Variants in SMCO1 observed in about 807,000 individuals in gnomAD.
The protein encoded by SMCO1 is single-pass membrane protein with coiled-coil domains 1.
Under a neutral mutation model 7.5 loss-of-function variants are expected in SMCO1, and 9 were observed. The observed-to-expected ratio is 1.20, with a 90% CI of 0.72 to 2.09. The LOEUF (loss-of-function observed/expected upper bound fraction) is 2.09, where lower values mean the gene tolerates loss of function less well. SMCO1 is among the 30% of genes most tolerant of loss of function. SMCO1 has a pLI of 0.00. For synonymous variants in SMCO1, 90 were observed against 93.8 expected (o/e 0.96, Z 0.23); for missense variants, 219 against 253.1 (o/e 0.87, Z 0.91).
chr3:196,508,692 T>C lies in SMCO1; in HGVS notation c.201-361A>G, dbSNP rs907101322. On this transcript the variant is annotated intron_variant, in intron 2 of 2. Coordinates refer to ENST00000397537, the MANE Select transcript of SMCO1 (RefSeq NM_001077657.3). ...GTGCTCACGCCTGTAATCCCAGCACTGTGGGAGGACGAGGTGGTTGGATCA... is the reference window on the plus strand; with the variant it reads ...GTGCTCACGCCTGTAATCCCAGCACCGTGGGAGGACGAGGTGGTTGGATCA... Among the ~76,000 whole-genome samples the C allele has an allele frequency of 8.6e-5, 13 of 150,858 alleles. No individual in the cohort carries two copies. In the South Asian group the frequency reaches 2.7e-3, roughly 32 times the overall value.
intron 1 of SMCO1, among the ~76,000 whole-genome samples, chr3:196,511,199 G>C (rs1432549957): frequency 7.3e-6 from 1 of 136,438 alleles, no homozygotes; most frequent in Non-Finnish European, 1.5e-5. Flanking sequence ...GGGCCACCTA[G>C]ATTGTCTTTA....
At chr3:196,510,736 C>T (rs559815611) in intron 1 of SMCO1, among the ~76,000 whole-genome samples, 27 of 152,310 alleles carry the variant, frequency 1.8e-4, no homozygotes, top group African/African-American at 6.5e-4. Flanking sequence ...GGACCCATCT[C>T]CCGCCTCCTG....
chr3:196,508,500 A>AT (rs927098327), intron 2 of SMCO1, among the ~76,000 whole-genome samples, 169 bp from the exon 3 acceptor site: 46 of 151,266 alleles, frequency 3.0e-4, no homozygotes, highest in Admixed American at 4.6e-4. Flanking sequence ...CTTACATTTT[A>AT]TTTTTTTTTA....
chr3:196,518,452 C>A (rs1472459844), upstream of SMCO1, among the ~76,000 whole-genome samples: 1 of 152,180 alleles, frequency 6.6e-6, no homozygotes, highest in Non-Finnish European at 1.5e-5. Context: ...TTTCCCCAGA[C>A]AATGGAGCCA....
chr3:196,509,673 T>C lies in SMCO1; in HGVS notation c.51-4A>G. On this transcript the variant is annotated splice_region_variant and splice_polypyrimidine_tract_variant and intron_variant, in intron 1 of 2. Coordinates refer to ENST00000397537, the MANE Select transcript of SMCO1 (RefSeq NM_001077657.3). The stretch of plus-strand genomic sequence containing the variant: ...CGCTTGGAGTTTGTGGTCTACTCTG[T>C]AGGATAACAGAATCAAGGGTTAGTT... 1.9e-6 allele frequency: 3 copies of C among 1,611,772 alleles called. No individual in the cohort carries two copies. Among genetic ancestry groups the C allele is most frequent in the South Asian group, 1.1e-5 (1 of 90,930 alleles).
chr3:196,518,085 A>G (rs962036418), upstream of SMCO1, among the ~76,000 whole-genome samples: 1 of 152,194 alleles, frequency 6.6e-6, no homozygotes, highest in African/African-American at 2.4e-5. Flanking sequence ...TGCAGATATC[A>G]TGGCAGCCAG....
At position 196,513,365 on chromosome 3, in the gene SMCO1, T is replaced by C. The variant is rs143235911; in HGVS notation, c.50+1795A>G. On this transcript the variant is annotated intron_variant, in intron 1 of 2. Coordinates refer to ENST00000397537, the MANE Select transcript of SMCO1 (RefSeq NM_001077657.3). Reference sequence around the variant, plus strand: ...AAGAAAGTTGGCCGGGTGCAGTGGCTCACGCCTGTAATCCCAGCCATTTGG... The same window carrying C: ...AAGAAAGTTGGCCGGGTGCAGTGGCCCACGCCTGTAATCCCAGCCATTTGG... 6.9e-3 allele frequency among the ~76,000 whole-genome samples: 1,040 copies of C among 151,128 alleles called. 14 individuals carry two copies. The highest frequency in any genetic ancestry group is 0.024 in the African/African-American group (1,001 of 41,160).
the SMCO1 span, among the ~76,000 whole-genome samples, chr3:196,520,546 C>T: frequency 6.6e-6 from 1 of 152,164 alleles, no homozygotes; most frequent in Non-Finnish European, 1.5e-5. Context: ...CAGGAAATGC[C>T]TGATGGAAAT....
chr3:196,509,755 T>A, intron 1 of SMCO1, 86 bp from the exon 2 acceptor site: 1 of 1,140,536 alleles, frequency 8.8e-7, no homozygotes, highest in Non-Finnish European at 1.2e-6. Flanking sequence ...ATACATTATT[T>A]ACAACCATTA....
chr3:196,515,030 G>T, intron 1 of SMCO1, 130 bp downstream of exon 1: 2 of 1,144,524 alleles, frequency 1.7e-6, no homozygotes, highest in Non-Finnish European at 2.6e-6. Flanking sequence ...GTGAGCCACC[G>T]CACCGGCCAC....
Position 196,515,263 on chromosome 3 carries a change from T to A in SMCO1, c.-54A>T. The A allele has an allele frequency of 7.0e-7, 1 of 1,424,406 alleles. No individual in the cohort carries two copies. Among genetic ancestry groups the A allele is most frequent in the East Asian group, 2.3e-5 (1 of 43,960 alleles). The allele number at this position is 1,424,406 out of a possible 1,614,324, so 88.2% of individuals were successfully genotyped here. A position where few individuals can be genotyped will look rare whatever the true frequency, so the allele number is the denominator to read the frequency against. ...AAACAAAGCAAAACAAAAAAAGCAATAAATGTTTGAATCCAGAATTTTCTG... is the reference window on the plus strand; with the variant it reads ...AAACAAAGCAAAACAAAAAAAGCAAAAAATGTTTGAATCCAGAATTTTCTG... On this transcript the variant is annotated 5_prime_UTR_variant, in exon 1 of 3. Transcript: ENST00000397537.
At chr3:196,515,983 G>GACATAT, upstream of SMCO1, among the ~76,000 whole-genome samples, 4 of 81,870 alleles carry the variant, frequency 4.9e-5, no homozygotes, top group South Asian at 1.8e-3. Flanking sequence ...CGGGCAAGAG[G>GACATAT]ATAGGATATA....
At position 196,509,643 on chromosome 3, in the gene SMCO1, T is replaced by G. The variant is rs755913831; in HGVS notation, c.77A>C (p.Glu26Ala). 4.3e-6 allele frequency: 7 copies of G among 1,614,142 alleles called. No individual in the cohort carries two copies. In the East Asian group the frequency reaches 6.7e-5, roughly 15 times the overall value. Residue 26 changes from glutamate (E) to alanine (A), a missense_variant, in exon 2 of 3, where the codon GAA becomes GCA. Physicochemically the swap from Glu to Ala is moderately radical, Grantham distance 107 (BLOSUM62 -1). Coordinates refer to ENST00000397537, the MANE Select transcript of SMCO1 (RefSeq NM_001077657.3). ...KRVDHKLQAL[E>A]TQFKELDFTK... Reference sequence around the variant, plus strand: ...GAAGTCTAGTTCTTTGAACTGTGTTTCTAACGCTTGGAGTTTGTGGTCTAC... The same window carrying G: ...GAAGTCTAGTTCTTTGAACTGTGTTGCTAACGCTTGGAGTTTGTGGTCTAC...
At chr3:196,511,357 A>C (rs946515584) in intron 1 of SMCO1, among the ~76,000 whole-genome samples, 1 of 149,896 alleles carries the variant, frequency 6.7e-6, no homozygotes, top group Non-Finnish European at 1.5e-5. Flanking sequence ...GATTGTTGTT[A>C]TGAGGGAAAC....
At chr3:196,508,425 C>G in intron 2 of SMCO1, 94 bp from the exon 3 acceptor site, 1 of 910,876 alleles carries the variant, frequency 1.1e-6, no homozygotes, top group Non-Finnish European at 1.6e-6. Context: ...TATGAACCCA[C>G]TAGGAGAACC....
At position 196,508,954 on chromosome 3, in the gene SMCO1, GA is replaced by G. The variant is rs1201957646; in HGVS notation, c.200+565del. Among the ~76,000 whole-genome samples, 367 of 124,468 alleles carry G rather than the reference GA, an allele frequency of 2.9e-3. 3 individuals are homozygous for G. The highest frequency in any genetic ancestry group is 0.015 in the African/African-American group (341 of 23,478). The allele number at this position is 124,468 out of a possible 152,430, so 81.7% of individuals were successfully genotyped here. A position where few individuals can be genotyped will look rare whatever the true frequency, so the allele number is the denominator to read the frequency against. ...TCCATCTCAAAAAAAAAAAAAAAAAGAAAAAAAAATTAATGCAAATAAGGCT... is the reference window on the plus strand; with the variant it reads ...TCCATCTCAAAAAAAAAAAAAAAAAGAAAAAAAATTAATGCAAATAAGGCT... On this transcript the variant is annotated intron_variant, in intron 2 of 2. Coordinates refer to ENST00000397537, the MANE Select transcript of SMCO1 (RefSeq NM_001077657.3).
At position 196,509,624 on chromosome 3, in the gene SMCO1, T is replaced by C. The variant is rs767164964; in HGVS notation, c.96A>G (p.Leu32=). The stretch of plus-strand genomic sequence containing the variant: ...GCATCAGGTTATCCTTGGTGAAGTC[T>C]AGTTCTTTGAACTGTGTTTCTAACG... ...LQALETQFKE[L]DFTKDNLMQK... Residue 32 remains leucine (L), a synonymous_variant, in exon 2 of 3, where the codon CTA becomes CTG. Transcript: ENST00000397537. 2 of 1,614,108 alleles carry C rather than the reference T, an allele frequency of 1.2e-6. No homozygotes were observed. Among genetic ancestry groups the C allele is most frequent in the Admixed American group, 1.7e-5 (1 of 60,022 alleles).
In SMCO1 at chr3:196,508,202, TC is replaced by T. The variant is rs779606680; in HGVS notation, c.329del (p.Arg110LysfsTer48). ...RGLPTLASVL[R>X]RKVKNKRVRV... Reference sequence around the variant, plus strand: ...TAACGCGCTTGTTCTTAACTTTTCTTCTGAGTACAGAGGCTAAGGTTGGAAG... The same window carrying T: ...TAACGCGCTTGTTCTTAACTTTTCTTTGAGTACAGAGGCTAAGGTTGGAAG... On this transcript the variant is annotated frameshift_variant, in exon 3 of 3. Transcript: ENST00000397537. LOFTEE classifies it low-confidence loss of function (END_TRUNC). 1.2e-6 allele frequency: 2 copies of T among 1,614,166 alleles called. No individual in the cohort carries two copies. The highest frequency in any genetic ancestry group is 1.7e-6 in the Non-Finnish European group (2 of 1,180,040).
chr3:196,513,373 G>A (rs1733301041), intron 1 of SMCO1, among the ~76,000 whole-genome samples: 1 of 151,858 alleles, frequency 6.6e-6, no homozygotes. Flanking sequence ...GCTCACGCCT[G>A]TAATCCCAGC....
Sources: allele counts gnomAD v4.1 joint callset (sites outside exome capture counted in the v4.1 genomes callset), GRCh38; gene constraint gnomAD v4.1.1; transcripts MANE v1.5; gene names NCBI Gene and HGNC (gene_info 2026-07-23, HGNC 2026-07-21).